RNF217: variants seen among roughly 807,000 people sequenced by gnomAD.
RNF217 encodes the protein E3 ubiquitin-protein ligase RNF217.
RNF217 carries 31 observed loss-of-function variants against 57.8 expected under a neutral mutation model. The observed-to-expected ratio is 0.54, with a 90% CI of 0.40 to 0.72. RNF217 has a LOEUF of 0.72. RNF217 is among the 30% of genes least tolerant of loss of function. RNF217 has a pLI of 0.00. For missense variants in RNF217, 696 were observed against 708.3 expected, an observed-to-expected ratio of 0.98 and a Z score of 0.20; for synonymous variants, 313 against 294.0, an observed-to-expected ratio of 1.06 and a Z score of -0.66.
intron 1 of RNF217, among the ~76,000 whole-genome samples, chr6:125,035,982 A>T (rs796639339): frequency 1.3e-5 from 2 of 152,076 alleles, no homozygotes; most frequent in South Asian, 4.2e-4. Flanking sequence ...ATAGGTATAC[A>T]TGTGCCATGG....
intron 1 of RNF217, among the ~76,000 whole-genome samples, chr6:124,974,768 A>G (rs946655365): frequency 6.6e-6 from 1 of 152,196 alleles, no homozygotes; most frequent in African/African-American, 2.4e-5. Context: ...ATCCTGGTCA[A>G]TCTTTGTGAA....
intron 1 of RNF217, among the ~76,000 whole-genome samples, chr6:124,968,595 T>G (rs1190403485): frequency 6.6e-6 from 1 of 152,208 alleles, no homozygotes; most frequent in Non-Finnish European, 1.5e-5. Flanking sequence ...TTCCTGTCCC[T>G]TCCAGCTGTC....
At chr6:124,967,550 C>A (rs377740641) in intron 1 of RNF217, among the ~76,000 whole-genome samples, 62 of 152,236 alleles carry the variant, frequency 4.1e-4, no homozygotes, top group African/African-American at 1.4e-3. Flanking sequence ...TAGAGATTGG[C>A]AGATGCATAT....
chr6:125,053,360 T>C (rs940479582), intron 2 of RNF217, among the ~76,000 whole-genome samples: 3 of 152,134 alleles, frequency 2.0e-5, no homozygotes, highest in African/African-American at 4.8e-5. Flanking sequence ...AAATATGTGT[T>C]GGATGGGAAA....
At chr6:125,080,766 C>T (rs897985354) in intron 4 of RNF217, among the ~76,000 whole-genome samples, 1 of 152,042 alleles carries the variant, frequency 6.6e-6, no homozygotes, top group African/African-American at 2.4e-5. Context: ...CTGGCTGATA[C>T]CACTTGACAT....
At chr6:124,973,819 A>G (rs1783853870) in intron 1 of RNF217, among the ~76,000 whole-genome samples, 1 of 152,134 alleles carries the variant, frequency 6.6e-6, no homozygotes. Context: ...ACCTAGGAAC[A>G]TAAAAAAAAA....
rs1364138226 is a variant in RNF217 at position 125,039,303 on chromosome 6, G to A, written c.883-5908G>A. ...TACCGAAGCAAGGGTTGCAATCCTA[G>A]TCTCTGATTAAACAGACCTTAAACC... On this transcript the variant is annotated intron_variant, in intron 1 of 5. Transcript: ENST00000521654. Among the ~76,000 whole-genome samples, 6 of 151,870 alleles carry A rather than the reference G, an allele frequency of 4.0e-5. No individual in the cohort carries two copies. In the South Asian group the frequency reaches 1.2e-3, roughly 31 times the overall value.
intron 2 of RNF217, among the ~76,000 whole-genome samples, chr6:125,056,673 G>A (rs1787534476): frequency 6.6e-6 from 1 of 152,134 alleles, no homozygotes; most frequent in Admixed American, 6.6e-5. Context: ...CCTTTAAAAT[G>A]TAGTCAGTGA....
At chr6:125,005,347 A>C (rs1209867984) in intron 1 of RNF217, among the ~76,000 whole-genome samples, 1 of 152,200 alleles carries the variant, frequency 6.6e-6, no homozygotes, top group Non-Finnish European at 1.5e-5. Flanking sequence ...AAGGATAAAA[A>C]ATTCTGTGCA....
At chr6:124,996,168 C>T (rs1227114138) in intron 1 of RNF217, among the ~76,000 whole-genome samples, 4 of 152,108 alleles carry the variant, frequency 2.6e-5, no homozygotes, top group African/African-American at 9.7e-5. Context: ...TGCTCCATAA[C>T]CTCAACAGTA....
intron 1 of RNF217, among the ~76,000 whole-genome samples, chr6:125,036,069 C>T (rs976146447): frequency 6.6e-6 from 1 of 151,974 alleles, no homozygotes; most frequent in Non-Finnish European, 1.5e-5. Flanking sequence ...AATGCTATCC[C>T]TCCCCTTGCC....
intron 1 of RNF217, among the ~76,000 whole-genome samples, chr6:125,036,436 A>G (rs902072858): frequency 6.6e-6 from 1 of 152,206 alleles, no homozygotes; most frequent in Non-Finnish European, 1.5e-5. Context: ...CTTTGGGTAT[A>G]TACCCAGTAA....
At chr6:125,011,568 G>GA (rs1297816459) in intron 1 of RNF217, among the ~76,000 whole-genome samples, 2 of 151,734 alleles carry the variant, frequency 1.3e-5, no homozygotes, top group African/African-American at 2.4e-5. Flanking sequence ...TAATTACTTG[G>GA]AAAAAAATCA....
At chr6:125,016,871 C>T (rs969152991) in intron 1 of RNF217, among the ~76,000 whole-genome samples, 5 of 151,910 alleles carry the variant, frequency 3.3e-5, no homozygotes, top group South Asian at 4.2e-4. Context: ...CCATGGCACG[C>T]GTATACCTAT....
At chr6:125,006,332 A>C (rs1018627162) in intron 1 of RNF217, among the ~76,000 whole-genome samples, 26 of 152,342 alleles carry the variant, frequency 1.7e-4, no homozygotes, top group Non-Finnish European at 1.5e-5. Context: ...GCAGGTGATT[A>C]ATAATACTCA....
intron 3 of RNF217, among the ~76,000 whole-genome samples, chr6:125,068,486 T>G (rs2114618398): frequency 6.6e-6 from 1 of 152,354 alleles, no homozygotes; most frequent in Non-Finnish European, 1.5e-5. Context: ...CTTCACAGCA[T>G]TTGGCATAGC....
intron 1 of RNF217, among the ~76,000 whole-genome samples, chr6:124,998,238 T>C (rs541499479): frequency 1.3e-5 from 2 of 152,238 alleles, no homozygotes; most frequent in South Asian, 2.1e-4. Flanking sequence ...CCCTCTATTC[T>C]CCTATCCCAT....
intron 1 of RNF217, among the ~76,000 whole-genome samples, chr6:124,978,584 G>A (rs1784049781): frequency 6.6e-6 from 1 of 152,136 alleles, no homozygotes. Context: ...CAGTGAGTGG[G>A]AACGTGTTAC....
intron 1 of RNF217, among the ~76,000 whole-genome samples, chr6:124,968,345 G>T (rs1783629735): frequency 6.6e-6 from 1 of 152,128 alleles, no homozygotes; most frequent in Admixed American, 6.5e-5. Flanking sequence ...GTGTGTGTGT[G>T]TGTGCGTGCG....
Sources: gnomAD v4.1 joint callset for allele counts (sites outside exome capture counted in the v4.1 genomes callset) on GRCh38, gnomAD v4.1.1 for gene constraint, MANE v1.5 for transcripts, NCBI Gene and HGNC (gene_info 2026-07-23, HGNC 2026-07-21) for gene names.